The following STK39 variants were observed in gnomAD, a reference collection of about 807,000 sequenced individuals.
The protein encoded by STK39 is serine/threonine kinase 39.
A neutral mutation model predicts 77.8 loss-of-function variants in STK39; 20 were observed. The observed-to-expected ratio is 0.26, with a 90% confidence interval of 0.18 to 0.37. The LOEUF (loss-of-function observed/expected upper bound fraction) is 0.37, where lower values mean the gene tolerates loss of function less well. Among genes scored for constraint, STK39 ranks in the 10% least tolerant of loss-of-function variants. The pLI is 1.00. For synonymous variants in STK39, 246 were observed against 234.1 expected (o/e 1.05, Z -0.47); for missense variants, 479 against 656.5 (o/e 0.73, Z 2.95).
At chr2:168,017,227 T>C (rs1684433842) in intron 14 of STK39, 132 bp from the exon 15 acceptor site, 1 of 464,338 alleles carries the variant, frequency 2.2e-6, no homozygotes. Context: ...CCTCCAAGTA[T>C]TTTGTTAACT....
intron 1 of STK39, among the ~76,000 whole-genome samples, chr2:168,234,495 A>C (rs1690547071): frequency 6.6e-6 from 1 of 152,176 alleles, no homozygotes; most frequent in Non-Finnish European, 1.5e-5. Flanking sequence ...GCCCCGCATA[A>C]GGGACCACCT....
chr2:168,145,766 TG>T (rs1553534827), intron 5 of STK39, among the ~76,000 whole-genome samples: 19 of 152,074 alleles, frequency 1.2e-4, no homozygotes, highest in Non-Finnish European at 5.9e-5. Flanking sequence ...TGTCCAGTGC[TG>T]GGGGGGTTCT....
chr2:168,169,631 C>CATGTGTGTGT (rs145116864), intron 2 of STK39, among the ~76,000 whole-genome samples: 8 of 145,934 alleles, frequency 5.5e-5, no homozygotes, highest in African/African-American at 1.8e-4. Context: ...TTGCAGTGAG[C>CATGTGTGTGT]GTGTGTGTGT....
At chr2:168,123,136 C>T (rs1371207862) in intron 10 of STK39, among the ~76,000 whole-genome samples, 1 of 152,176 alleles carries the variant, frequency 6.6e-6, no homozygotes, top group African/African-American at 2.4e-5. Flanking sequence ...AAATATCACA[C>T]AGACCTAAAC....
intron 16 of STK39, among the ~76,000 whole-genome samples, chr2:168,007,546 T>C (rs977685780): frequency 2.6e-5 from 4 of 152,020 alleles, no homozygotes; most frequent in African/African-American, 9.7e-5. Context: ...GGCTATTGAA[T>C]GGGGAGAGAT....
chr2:168,005,169 C>A, intron 16 of STK39, among the ~76,000 whole-genome samples: 1 of 151,996 alleles, frequency 6.6e-6, no homozygotes. Flanking sequence ...CCAGATGCAG[C>A]TAATTTTTGT....
In STK39 at chr2:168,094,621, T is replaced by C. The variant is rs1686613283; in HGVS notation, c.1090-19390A>G. On this transcript the variant is annotated intron_variant, in intron 10 of 17. Transcript: ENST00000355999. ...GCAGCATTCAGAACTGCTGACCACCTTCACCTTCCTGGTTCCTGGGACAGC... is the reference window on the plus strand; with the variant it reads ...GCAGCATTCAGAACTGCTGACCACCCTCACCTTCCTGGTTCCTGGGACAGC... Among the ~76,000 whole-genome samples the C allele has an allele frequency of 2.0e-5, 3 of 152,188 alleles. 1 individual carries two copies. The highest frequency in any genetic ancestry group is 2.0e-4 in the Admixed American group (3 of 15,280).
intron 10 of STK39, among the ~76,000 whole-genome samples, chr2:168,118,721 A>G (rs1479744591): frequency 6.6e-6 from 1 of 151,720 alleles, no homozygotes; most frequent in South Asian, 2.1e-4. Flanking sequence ...ATTCACCCCC[A>G]GTGCGAACAC....
intron 10 of STK39, among the ~76,000 whole-genome samples, chr2:168,086,252 C>T (rs185021331): frequency 0.015 from 2,257 of 152,252 alleles, 50 homozygotes; most frequent in African/African-American, 0.052. Flanking sequence ...ACAGACTCTA[C>T]CACACACTTT....
At position 168,125,239 on chromosome 2, in the gene STK39, C is replaced by T. The variant is rs570629534; in HGVS notation, c.1089+4302G>A. The stretch of plus-strand genomic sequence containing the variant: ...GATAATCAAAAAAAAAAAGAAGATG[C>T]ACACAGCCCTAAGCATCTACATTCA... On this transcript the variant is annotated intron_variant, in intron 10 of 17. Transcript: ENST00000355999. Among the ~76,000 whole-genome samples the T allele has an allele frequency of 2.5e-3, 379 of 151,794 alleles. 4 individuals are homozygous for T. Among genetic ancestry groups the T allele is most frequent in the African/African-American group, 8.8e-3 (366 of 41,402 alleles).
rs140324481 is a variant in STK39, at chr2:168,200,334, C to A, written c.209-18244G>T. Among the ~76,000 whole-genome samples the A allele has an allele frequency of 1.7e-3, 255 of 152,088 alleles. 2 individuals are homozygous for A. The highest frequency in any genetic ancestry group is 6.0e-3 in the African/African-American group (250 of 41,478). On this transcript the variant is annotated intron_variant, in intron 1 of 17. Transcript: ENST00000355999. ...ACTACTATCTTACTTCACTCTCAACCCTAAAAGAAGCATATTCCAAGGAAA... is the reference window on the plus strand; with the variant it reads ...ACTACTATCTTACTTCACTCTCAACACTAAAAGAAGCATATTCCAAGGAAA...
At chr2:168,233,565 T>C (rs1424281996) in intron 1 of STK39, among the ~76,000 whole-genome samples, 1 of 152,240 alleles carries the variant, frequency 6.6e-6, no homozygotes, top group Non-Finnish European at 1.5e-5. Context: ...TGCTTTGTGA[T>C]CTGTAACTTA....
chr2:168,180,373 A>G (rs1481078146), intron 2 of STK39, among the ~76,000 whole-genome samples: 1 of 152,066 alleles, frequency 6.6e-6, no homozygotes, highest in Admixed American at 6.6e-5. Context: ...CAAAAACACA[A>G]CTATCACTGG....
chr2:167,975,530 T>C (rs1352372888), intron 16 of STK39, among the ~76,000 whole-genome samples: 2 of 152,220 alleles, frequency 1.3e-5, no homozygotes, highest in African/African-American at 2.4e-5. Context: ...AAAGGTGGAC[T>C]GTAGGCCGGG....
intron 14 of STK39, among the ~76,000 whole-genome samples, chr2:168,057,559 C>CGCAT (rs1243558553): frequency 1.3e-5 from 2 of 152,166 alleles, no homozygotes; most frequent in Non-Finnish European, 2.9e-5. Flanking sequence ...CACACACACA[C>CGCAT]GCATGCACGC....
intron 1 of STK39, among the ~76,000 whole-genome samples, chr2:168,190,542 C>T (rs1016484007): frequency 2.0e-4 from 30 of 152,166 alleles, no homozygotes; most frequent in African/African-American, 5.6e-4. Flanking sequence ...ATCCACTGGC[C>T]CCTGCTCAGC....
chr2:168,088,250 C>G (rs1183258556), intron 10 of STK39, among the ~76,000 whole-genome samples: 2 of 152,094 alleles, frequency 1.3e-5, no homozygotes, highest in East Asian at 3.8e-4. Context: ...CAAGGGGGTT[C>G]CTTCATAAAA....
At chr2:168,087,358 G>A (rs1025166438) in intron 10 of STK39, among the ~76,000 whole-genome samples, 1 of 152,210 alleles carries the variant, frequency 6.6e-6, no homozygotes, top group African/African-American at 2.4e-5. Context: ...GGTTGACTGT[G>A]CTAGTGCCCA....
chr2:168,037,613 T>G (rs1272619489), intron 14 of STK39, among the ~76,000 whole-genome samples: 5 of 152,128 alleles, frequency 3.3e-5, no homozygotes, highest in African/African-American at 7.2e-5. Context: ...CAATCCTAAG[T>G]GTAAAAATTA....
Sources: gnomAD v4.1 joint callset for allele counts (sites outside exome capture counted in the v4.1 genomes callset) on GRCh38, gnomAD v4.1.1 for gene constraint, MANE v1.5 for transcripts, NCBI Gene and HGNC (gene_info 2026-07-23, HGNC 2026-07-21) for gene names.